CD1A: variants seen among roughly 807,000 people sequenced by gnomAD.
CD1A encodes the protein T-cell surface glycoprotein CD1a.
Under a neutral mutation model 38.3 loss-of-function variants are expected in CD1A, and 50 were observed. The ratio of observed to expected loss-of-function variants is 1.30; its 90% CI spans 1.04 to 1.65. The LOEUF (loss-of-function observed/expected upper bound fraction) is 1.65, where lower values mean the gene tolerates loss of function less well. Among genes scored for constraint, CD1A ranks in the 40% most tolerant of loss-of-function variants. The pLI, the probability that CD1A is intolerant of heterozygous loss-of-function variation, is 0.00. For missense variants in CD1A, 459 were observed against 406.1 expected, an observed-to-expected ratio of 1.13 and a Z score of -1.12; for synonymous variants, 160 against 150.8, an observed-to-expected ratio of 1.06 and a Z score of -0.45.
In CD1A at chr1:158,254,651, A is replaced by G. The variant is rs148033236; in HGVS notation, c.-19A>G. 85 of 1,614,074 alleles carry G rather than the reference A, an allele frequency of 5.3e-5. 1 individual carries two copies. In the African/African-American group the frequency reaches 9.9e-4, roughly 19 times the overall value. ...AAGACCAATTTTTCTGAGAGAAGGA[A>G]ATAACATCTGCAAATGATATGCTGT... On this transcript the variant is annotated 5_prime_UTR_variant, in exon 1 of 6. Transcript: ENST00000289429.
Position 158,254,466 on chromosome 1 carries a change from G to A in CD1A, c.-204G>A, listed in dbSNP as rs1054164235. On this transcript the variant is annotated 5_prime_UTR_variant, in exon 1 of 6. Transcript: ENST00000289429. ...CAAGGAGAGAAGCTGGAACAGAGAG[G>A]AGAGTCAGAACCAGAGGGAAATGAG... is the stretch of plus-strand genomic sequence containing the variant. 5 of 1,404,142 alleles carry A rather than the reference G, an allele frequency of 3.6e-6. No individual in the cohort carries two copies. In the African/African-American group the frequency reaches 7.3e-5, roughly 20 times the overall value. The allele number at this position is 1,404,142 out of a possible 1,614,324, so 87.0% of individuals were successfully genotyped here. A position where few individuals can be genotyped will look rare whatever the true frequency, so the allele number is the denominator to read the frequency against.
At position 158,255,352 on chromosome 1, in the gene CD1A, T is replaced by C. The variant is rs187686385; in HGVS notation, c.325+2T>C. ...ACGCCCATGAATTGCAGTTTGAATG[T>C]GAGTTCAGTTTTCTCCATGGAGAGT... On this transcript the variant is annotated splice_donor_variant, in intron 2 of 5. Coordinates refer to ENST00000289429, the MANE Select transcript of CD1A (RefSeq NM_001763.3). LOFTEE classifies it high-confidence loss of function. The C allele has an allele frequency of 3.7e-6, 6 of 1,612,892 alleles. No homozygotes were observed. Among genetic ancestry groups the C allele is most frequent in the Non-Finnish European group, 5.1e-6 (6 of 1,178,974 alleles).
chr1:158,249,649 A>T (rs1382993993), upstream of CD1A, among the ~76,000 whole-genome samples: 1 of 152,076 alleles, frequency 6.6e-6, no homozygotes, highest in Non-Finnish European at 1.5e-5. Context: ...AAAATATAAA[A>T]CTTTTTCATT....
upstream of CD1A, chr1:158,254,049 T>TTTTTTG (rs1650157817): frequency 1.0e-5 from 1 of 99,478 alleles, no homozygotes; most frequent in Non-Finnish European, 2.2e-5. Context: ...TTTTTTTTTT[T>TTTTTTG]TTTTTTTTTT....
At chr1:158,256,708 G>T in intron 3 of CD1A, 78 bp from the exon 4 acceptor site, 1 of 1,466,150 alleles carries the variant, frequency 6.8e-7, no homozygotes, top group Non-Finnish European at 9.3e-7. Context: ...GGAACAATGT[G>T]TCTATCTAAA....
chr1:158,256,617 C>A (rs11264948), intron 3 of CD1A, among the ~76,000 whole-genome samples, 169 bp from the exon 4 acceptor site: 21,616 of 151,246 alleles, frequency 0.14, 1,672 homozygotes, highest in African/African-American at 0.2. Flanking sequence ...TTACAGTGAG[C>A]TATAATTTAT....
At chr1:158,257,625 C>T (rs1259061704) in intron 5 of CD1A, 56 bp from the exon 6 acceptor site, 19 of 1,602,868 alleles carry the variant, frequency 1.2e-5, no homozygotes, top group Non-Finnish European at 1.5e-5. Context: ...CCCTCTTGCT[C>T]CTCAATTCTC....
upstream of CD1A, among the ~76,000 whole-genome samples, chr1:158,249,749 C>A (rs1046286889): frequency 2.0e-5 from 3 of 152,078 alleles, no homozygotes; most frequent in African/African-American, 7.2e-5. Flanking sequence ...ATGTTGTACC[C>A]CTTGGGCACA....
the CD1A span, among the ~76,000 whole-genome samples, chr1:158,248,989 A>C: frequency 6.6e-6 from 1 of 152,084 alleles, no homozygotes; most frequent in Admixed American, 6.5e-5. Flanking sequence ...GCTTGGCTCC[A>C]CTTCTCTTTC....
rs1558066864 is a variant in CD1A, at chr1:158,256,378, A to G, written c.604+96A>G. 8 of 1,245,148 alleles carry G rather than the reference A, an allele frequency of 6.4e-6. No individual in the cohort carries two copies. The East Asian group carries it at 1.6e-4, about 25-fold the overall frequency. The allele number at this position is 1,245,148 out of a possible 1,614,324, so 77.1% of individuals were successfully genotyped here. A position where few individuals can be genotyped will look rare whatever the true frequency, so the allele number is the denominator to read the frequency against. On this transcript the variant is annotated intron_variant, in intron 3 of 5. Transcript: ENST00000289429. ...TTAGAATAAGGAAGAGCCACCCAGAAGTGGGAAAGGCTGGGTGCAGTGCCT... is the reference window on the plus strand; with the variant it reads ...TTAGAATAAGGAAGAGCCACCCAGAGGTGGGAAAGGCTGGGTGCAGTGCCT...
upstream of CD1A, among the ~76,000 whole-genome samples, chr1:158,249,785 G>A (rs575562499): frequency 1.1e-4 from 16 of 152,280 alleles, no homozygotes; most frequent in African/African-American, 3.6e-4. Flanking sequence ...TGAGCACAGA[G>A]GCTCTTAGGT....
In CD1A at chr1:158,257,061, T is replaced by G; in HGVS notation, c.880T>G (p.Trp294Gly). 6.2e-7 allele frequency: 1 copy of G among 1,602,208 alleles called. No homozygotes were observed. The highest frequency in any genetic ancestry group is 8.5e-7 in the Non-Finnish European group (1 of 1,171,574). The change falls in exon 4 of 6, where the codon TGG becomes GGG. Residue 294 changes from tryptophan to glycine, a missense_variant. By Grantham distance (184) the Trp-to-Gly change is radical. Coordinates refer to ENST00000289429, the MANE Select transcript of CD1A (RefSeq NM_001763.3). Reference protein sequence around the residue: ...SLEGQDIVLYWEHHSSVGFII... With the variant: ...SLEGQDIVLYGEHHSSVGFII... Reference sequence around the variant, plus strand: ...AGAGGGCCAGGACATCGTCCTCTACTGGGGTGAGAAAAAGCTAAGGCCCAG... The same window carrying G: ...AGAGGGCCAGGACATCGTCCTCTACGGGGGTGAGAAAAAGCTAAGGCCCAG...
At chr1:158,254,358 G>T, upstream of CD1A, 1 of 1,214,140 alleles carries the variant, frequency 8.2e-7, no homozygotes, top group South Asian at 1.7e-5. Flanking sequence ...TGTCCTTAGT[G>T]GTTAAGTGGC....
chr1:158,254,359 G>GT (rs1650169701), upstream of CD1A: 1 of 1,216,170 alleles, frequency 8.2e-7, no homozygotes, highest in African/African-American at 1.6e-5. Flanking sequence ...GTCCTTAGTG[G>GT]TTAAGTGGCT....
chr1:158,254,960 G>A (rs1249919132), intron 1 of CD1A, 124 bp from the exon 2 acceptor site: 2 of 1,039,010 alleles, frequency 1.9e-6, no homozygotes, highest in Admixed American at 2.0e-5. Flanking sequence ...GCAAGTGAAT[G>A]TCTGCTAAGA....
At chr1:158,254,785 C>CTCTG (rs1396530514) in intron 1 of CD1A, 58 bp downstream of exon 1, 92 of 684,530 alleles carry the variant, frequency 1.3e-4, no homozygotes, top group African/African-American at 1.0e-3. Context: ...CTCTCTCTCT[C>CTCTG]TGTGTGTGTG....
chr1:158,252,130 C>CA (rs1275554914), upstream of CD1A, among the ~76,000 whole-genome samples: 1 of 139,880 alleles, frequency 7.1e-6, no homozygotes, highest in African/African-American at 2.7e-5. Flanking sequence ...CACCCGGCCA[C>CA]GGTTTTTTTT....
At chr1:158,255,933 C>T (rs927422388) in intron 2 of CD1A, 71 bp from the exon 3 acceptor site, 25 of 1,461,312 alleles carry the variant, frequency 1.7e-5, no homozygotes, top group Non-Finnish European at 2.2e-5. Flanking sequence ...CCTTCTGCTT[C>T]TATAATCTTT....
chr1:158,256,179 G>A lies in CD1A; in HGVS notation c.501G>A (p.Gln167=). 2 of 1,614,162 alleles carry A rather than the reference G, an allele frequency of 1.2e-6. No individual in the cohort carries two copies. The highest frequency in any genetic ancestry group is 2.2e-5 in the South Asian group (2 of 91,086). ...AGCATTTCTGCAAAGTGCTCAATCAGAATCAGCATGAAAATGACATAACAC... is the reference window on the plus strand; with the variant it reads ...AGCATTTCTGCAAAGTGCTCAATCAAAATCAGCATGAAAATGACATAACAC... ...MAKHFCKVLN[Q]NQHENDITHN... Residue 167 remains glutamine, a synonymous_variant, in exon 3 of 6, where the codon CAG becomes CAA. Coordinates refer to ENST00000289429, the MANE Select transcript of CD1A (RefSeq NM_001763.3).
Sources: allele counts gnomAD v4.1 joint callset (sites outside exome capture counted in the v4.1 genomes callset), GRCh38; gene constraint gnomAD v4.1.1; transcripts MANE v1.5; gene names NCBI Gene and HGNC (gene_info 2026-07-23, HGNC 2026-07-21).